Variants in FGD5 observed in about 807,000 individuals in gnomAD.
FGD5 encodes the protein FYVE, RhoGEF and PH domain-containing protein 5.
In FGD5, 28 loss-of-function variants were observed where a neutral mutation model predicts 133.4. The observed-to-expected ratio is 0.21, with a 90% CI of 0.16 to 0.29. The LOEUF (loss-of-function observed/expected upper bound fraction) is 0.29, where lower values mean the gene tolerates loss of function less well. FGD5 is among the 10% of genes least tolerant of loss of function. The probability of loss-of-function intolerance (pLI) is 1.00; values close to 1 mark genes in which losing one functional copy is unlikely to be tolerated. For missense variants in FGD5, 1,858 were observed against 1,895.2 expected, an observed-to-expected ratio of 0.98 and a Z score of 0.36; for synonymous variants, 810 against 776.5, an observed-to-expected ratio of 1.04 and a Z score of -0.72.
intron 1 of FGD5, among the ~76,000 whole-genome samples, chr3:14,825,060 C>G (rs2036575062): frequency 6.6e-6 from 1 of 152,160 alleles, no homozygotes; most frequent in South Asian, 2.1e-4. Flanking sequence ...CTAAAAGTAT[C>G]TCCCTTCAAG....
At chr3:14,811,100 C>T (rs557973370) in intron 1 of FGD5, among the ~76,000 whole-genome samples, 2 of 152,116 alleles carry the variant, frequency 1.3e-5, no homozygotes, top group African/African-American at 4.8e-5. Context: ...TCAGCCTTGG[C>T]GAGGCCGCGC....
chr3:14,825,711 T>TAA (rs796472516), intron 1 of FGD5, among the ~76,000 whole-genome samples: 1 of 147,142 alleles, frequency 6.8e-6, no homozygotes, highest in African/African-American at 2.5e-5. Flanking sequence ...GATGCTCACT[T>TAA]AAAAAAAAAA....
At chr3:14,918,951 C>CT (rs1267210902) in intron 13 of FGD5, 118 bp downstream of exon 13, 1 of 1,092,644 alleles carries the variant, frequency 9.2e-7, no homozygotes, top group Non-Finnish European at 1.3e-6. Flanking sequence ...TCAAAGTATC[C>CT]TTCTGGGTCA....
chr3:14,863,374 T>G (rs1575215700), intron 1 of FGD5, among the ~76,000 whole-genome samples: 1 of 150,338 alleles, frequency 6.7e-6, no homozygotes, highest in Non-Finnish European at 1.5e-5. Flanking sequence ...CAGTTTGTGA[T>G]TGTGCATGAG....
intron 1 of FGD5, among the ~76,000 whole-genome samples, chr3:14,829,412 A>G (rs2125075771): frequency 6.6e-6 from 1 of 152,170 alleles, no homozygotes; most frequent in African/African-American, 2.4e-5. Flanking sequence ...AAGCTGGGAG[A>G]TTCGTGAAGA....
intron 9 of FGD5, among the ~76,000 whole-genome samples, chr3:14,902,182 T>C (rs976515142): frequency 1.5e-4 from 23 of 151,440 alleles, no homozygotes; most frequent in African/African-American, 5.6e-4. Context: ...TTTGGGAGGC[T>C]GAGGCTAGAG....
intron 1 of FGD5, among the ~76,000 whole-genome samples, chr3:14,862,989 A>G (rs1046428088): frequency 2.6e-5 from 4 of 152,126 alleles, no homozygotes; most frequent in African/African-American, 9.7e-5. Flanking sequence ...ATAGGCTCCT[A>G]GCTCAGCTAT....
rs1251531006 is a variant in FGD5, at chr3:14,819,863, G to A, written c.792G>A (p.Glu264=). ...AGGAGGAGCTGGCCGGGGTCCAGGA[G>A]GCAGAGACAGCCACAGACTGCCCTG... ...PEKEELAGVQ[E]AETATDCPEV... Residue 264 remains glutamate, a synonymous_variant, in exon 1 of 20, where the codon GAG becomes GAA. Transcript: ENST00000285046. This position sits in a 1 kb window ranked among gnomAD's most constrained non-coding sequence, Gnocchi z 4.1. 1.2e-6 allele frequency: 2 copies of A among 1,613,298 alleles called. No homozygotes were observed. Among genetic ancestry groups the A allele is most frequent in the African/African-American group, 1.3e-5 (1 of 75,020 alleles).
At chr3:14,885,137 C>T (rs1410518301) in intron 4 of FGD5, among the ~76,000 whole-genome samples, 1 of 151,642 alleles carries the variant, frequency 6.6e-6, no homozygotes, top group Non-Finnish European at 1.5e-5. Flanking sequence ...TTTATTCCCA[C>T]GTTCGCCCCC....
chr3:14,843,595 C>T (rs1444984206), intron 1 of FGD5, among the ~76,000 whole-genome samples: 1 of 151,736 alleles, frequency 6.6e-6, no homozygotes, highest in South Asian at 2.1e-4. Context: ...CCCTCCCCAC[C>T]AAGGGAGTGG....
chr3:14,848,211 G>A (rs1286944323), intron 1 of FGD5, among the ~76,000 whole-genome samples: 1 of 152,164 alleles, frequency 6.6e-6, no homozygotes, highest in Non-Finnish European at 1.5e-5. Flanking sequence ...CTTTGGACGA[G>A]GCTTTTCGTT....
chr3:14,872,506 G>A (rs2037632233), intron 2 of FGD5, among the ~76,000 whole-genome samples: 1 of 151,994 alleles, frequency 6.6e-6, no homozygotes, highest in South Asian at 2.1e-4. Context: ...GGGAGGGAGG[G>A]GTAAGACAGG....
intron 1 of FGD5, chr3:14,810,988 CCGCTCGGCCTCG>C: frequency 1.2e-6 from 1 of 826,218 alleles, no homozygotes; most frequent in Non-Finnish European, 1.5e-6. Flanking sequence ...CCTTCCAGTG[CCGCTCGGCCTCG>C]GCCAAAGCAT....
chr3:14,927,061 G>T lies in FGD5; in HGVS notation c.4197+863G>T, dbSNP rs184133606. ...AGGTTGCCGTGTGCCCATTCCCAGG[G>T]ATCACAGAGGATGGCTTTCTAGAAG... On this transcript the variant is annotated intron_variant, in intron 18 of 19. Coordinates refer to ENST00000285046, the MANE Select transcript of FGD5 (RefSeq NM_152536.4). Among the ~76,000 whole-genome samples the T allele has an allele frequency of 1.6e-4, 25 of 152,322 alleles. 1 individual carries two copies. The East Asian group carries it at 3.5e-3, about 21-fold the overall frequency.
chr3:14,898,689 C>T, intron 6 of FGD5, 50 bp from the exon 7 acceptor site: 5 of 1,489,198 alleles, frequency 3.4e-6, no homozygotes, highest in Non-Finnish European at 4.6e-6. Context: ...AGCATGGTGC[C>T]TTCAGGAGGG....
At chr3:14,916,593 A>G (rs116311433) in intron 11 of FGD5, among the ~76,000 whole-genome samples, 1 of 152,184 alleles carries the variant, frequency 6.6e-6, no homozygotes, top group Non-Finnish European at 1.5e-5. Context: ...AACCTTAAGC[A>G]TATGTGTTAG....
rs181266379 is a variant in FGD5, at chr3:14,932,658, C to T, written c.4279C>T (p.Pro1427Ser). 1.0e-4 allele frequency: 169 copies of T among 1,614,026 alleles called. No homozygotes were observed. In the South Asian group the frequency reaches 1.6e-3, roughly 15 times the overall value. ...GGAAGAGGGCAGCAGTGAAGTAGGA[C>T]CTATTTTTCACCTTTACCACAAGAA... ...EKEEGSSEVG[P>S]IFHLYHKKTL... is the part of the protein sequence containing the mutation. Residue 1427 changes from proline (P) to serine (S), a missense_variant, in exon 19 of 20, where the codon CCT becomes TCT. Transcript: ENST00000285046.
At chr3:14,812,431 C>G (rs2125062824) in intron 1 of FGD5, among the ~76,000 whole-genome samples, 1 of 152,344 alleles carries the variant, frequency 6.6e-6, no homozygotes, top group East Asian at 1.9e-4. Flanking sequence ...CCCACGTTTT[C>G]CTGCATGAGG....
intron 4 of FGD5, among the ~76,000 whole-genome samples, chr3:14,890,846 G>A (rs1044101672): frequency 6.6e-6 from 1 of 152,160 alleles, no homozygotes; most frequent in Non-Finnish European, 1.5e-5. Context: ...TTCTCTCCCA[G>A]CACTGTACAA....
Sources: allele counts gnomAD v4.1 joint callset (sites outside exome capture counted in the v4.1 genomes callset), GRCh38; gene constraint gnomAD v4.1.1; non-coding constraint Gnocchi (gnomAD v3.1); transcripts MANE v1.5; gene names NCBI Gene and HGNC (gene_info 2026-07-23, HGNC 2026-07-21).